The following TMEM63A variants were observed in gnomAD, a reference collection of about 807,000 sequenced individuals.
TMEM63A encodes the protein transmembrane protein 63A, also known as mechanosensitive cation channel TMEM63A.
Under a neutral mutation model 100.6 loss-of-function variants are expected in TMEM63A, and 76 were observed. The ratio of observed to expected loss-of-function variants is 0.76; its 90% confidence interval spans 0.63 to 0.91. The LOEUF is 0.91. TMEM63A is among the 40% of genes least tolerant of loss of function. The pLI, the probability that TMEM63A is intolerant of heterozygous loss-of-function variation, is 0.00. For missense variants in TMEM63A, 876 were observed against 1,008.8 expected (o/e 0.87, Z 1.78); for synonymous variants, 401 against 401.1 (o/e 1.00, Z 0.00).
At position 225,848,918 on chromosome 1, in the gene TMEM63A, G is replaced by A. The variant is rs1296172369; in HGVS notation, c.2166C>T (p.His722=). The change falls in exon 22 of 25, where the codon CAC becomes CAT. Residue 722 remains histidine (H), a synonymous_variant. Transcript: ENST00000366835. ...TTACTTTGTAGTTCAGAGGGCTGAG[G>A]TGCTTGAAGCATCCAAAGCAGGTGT... ...LAHTCFGCFK[H]LSPLNYKTEE... The A allele has an allele frequency of 1.3e-6, 2 of 1,596,110 alleles. No homozygotes were observed. Among genetic ancestry groups the A allele is most frequent in the Non-Finnish European group, 8.5e-7 (1 of 1,172,372 alleles).
At chr1:225,881,476 T>C (rs994346581) in intron 1 of TMEM63A, among the ~76,000 whole-genome samples, 2 of 152,220 alleles carry the variant, frequency 1.3e-5, no homozygotes, top group African/African-American at 4.8e-5. Flanking sequence ...ACGTCTTCTC[T>C]GTTAGAGCCC....
Position 225,867,887 on chromosome 1 carries a change from C to T in TMEM63A, c.514+1G>A, listed in dbSNP as rs772269210. 1.9e-5 allele frequency: 31 copies of T among 1,614,070 alleles called. 1 individual carries two copies. The South Asian group carries it at 2.9e-4, about 15-fold the overall frequency. The stretch of plus-strand genomic sequence containing the variant: ...TAGACAAGGGTGAGGAGGGTCATTA[C>T]CCAGCAAGTCCCCTGAGAGGTTGAC... On this transcript the variant is annotated splice_donor_variant, in intron 7 of 24. Coordinates refer to ENST00000366835, the MANE Select transcript of TMEM63A (RefSeq NM_014698.3). LOFTEE classifies it high-confidence loss of function. This position sits in a 1 kb window ranked among gnomAD's most constrained non-coding sequence, Gnocchi z 4.6.
chr1:225,849,989 A>G lies in TMEM63A; in HGVS notation c.1994T>C (p.Phe665Ser). ...TGCCAAGGCCTGGTTCACAGCGGCA[A>G]AGTGGATCCCCTTCTCCAGCTTGGC... ...LPAKLEKGIH[F>S]AAVNQALAAP... The change falls in exon 21 of 25, where the codon TTT becomes TCT. Residue 665 changes from phenylalanine (F) to serine (S), a missense_variant. Physicochemically the swap from Phe to Ser is radical, Grantham distance 155. Coordinates refer to ENST00000366835, the MANE Select transcript of TMEM63A (RefSeq NM_014698.3). 6.2e-7 allele frequency: 1 copy of G among 1,614,208 alleles called. No individual in the cohort carries two copies. The highest frequency in any genetic ancestry group is 1.3e-5 in the African/African-American group (1 of 75,046).
chr1:225,877,689 C>T lies in TMEM63A; in HGVS notation c.-14-95G>A. On this transcript the variant is annotated intron_variant, in intron 2 of 24. Transcript: ENST00000366835. Reference sequence around the variant, plus strand: ...TGGCAGAGCCAAAGGCAGGCGTTTCCCAGGGACTGATCGGGCAGTGAGCCA... The same window carrying T: ...TGGCAGAGCCAAAGGCAGGCGTTTCTCAGGGACTGATCGGGCAGTGAGCCA... 3 of 1,284,332 alleles carry T rather than the reference C, an allele frequency of 2.3e-6. No individual in the cohort carries two copies. In the Admixed American group the frequency reaches 7.5e-5, roughly 32 times the overall value. 79.6% of individuals were successfully genotyped at this position (1,284,332 alleles called of 1,614,324 possible).
In TMEM63A at chr1:225,878,750, G is replaced by C. The variant is rs1251211551; in HGVS notation, c.-15+470C>G. Among the ~76,000 whole-genome samples the C allele has an allele frequency of 9.2e-5, 14 of 152,262 alleles. No homozygotes were observed. In the East Asian group the frequency reaches 2.5e-3, roughly 27 times the overall value. On this transcript the variant is annotated intron_variant, in intron 2 of 24. Coordinates refer to ENST00000366835, the MANE Select transcript of TMEM63A (RefSeq NM_014698.3). ...ACAGGGACAAAGATCTTGAGAACAAGAAGAAAAGATATAGAGAACCCAAAC... is the reference window on the plus strand; with the variant it reads ...ACAGGGACAAAGATCTTGAGAACAACAAGAAAAGATATAGAGAACCCAAAC...
At chr1:225,851,408 T>A (rs2102819886) in intron 20 of TMEM63A, among the ~76,000 whole-genome samples, 1 of 152,326 alleles carries the variant, frequency 6.6e-6, no homozygotes, top group South Asian at 2.1e-4. Flanking sequence ...TCTCGCTCAT[T>A]GGTCAGGCTG....
At chr1:225,871,894 T>C in intron 5 of TMEM63A, 93 bp downstream of exon 5, 1 of 955,342 alleles carries the variant, frequency 1.0e-6, no homozygotes, top group Non-Finnish European at 1.6e-6. Context: ...CTCCAGCACT[T>C]GCCGCTCAAG....
chr1:225,845,365 GCCTGCCACCTCCCCCCA>G, downstream of TMEM63A: 1 of 1,453,208 alleles, frequency 6.9e-7, no homozygotes, highest in South Asian at 1.2e-5. Context: ...CTCTCCCCCC[GCCTGCCACCTCCCCCCA>G]CAAGTGCCCT....
intron 6 of TMEM63A, among the ~76,000 whole-genome samples, chr1:225,869,997 G>A (rs1033507307): frequency 2.0e-5 from 3 of 151,942 alleles, no homozygotes; most frequent in Non-Finnish European, 4.4e-5. Context: ...GTACGCTATC[G>A]TTATAGTTGA....
Position 225,865,967 on chromosome 1 carries a change from C to G in TMEM63A, c.676G>C (p.Val226Leu). 4 of 1,613,886 alleles carry G rather than the reference C, an allele frequency of 2.5e-6. No homozygotes were observed. The highest frequency in any genetic ancestry group is 3.4e-6 in the Non-Finnish European group (4 of 1,179,856). The part of the protein sequence containing the change: ...QSIKYKEENL[V>L]RRTLFITGLP... ...CCTGTGATGAACAGGGTCCGCCTCA[C>G]CTGTCCGGGAAATACAGCAGGGAGA... Residue 226 changes from valine to leucine, a missense_variant and splice_region_variant, in exon 10 of 25, where the codon GTG (valine) becomes CTG (leucine). By Grantham distance (32) the Val-to-Leu change is conservative. Coordinates refer to ENST00000366835, the MANE Select transcript of TMEM63A (RefSeq NM_014698.3). This position sits in a 1 kb window ranked among gnomAD's most constrained non-coding sequence, Gnocchi z 4.6.
At chr1:225,869,263 C>G (rs1002506986) in intron 6 of TMEM63A, among the ~76,000 whole-genome samples, 1 of 152,206 alleles carries the variant, frequency 6.6e-6, no homozygotes, top group South Asian at 2.1e-4. Context: ...TAGTCCTGTA[C>G]GTGGTATCAG....
At chr1:225,860,826 C>T in intron 14 of TMEM63A, 34 bp downstream of exon 14, 1 of 1,567,420 alleles carries the variant, frequency 6.4e-7, no homozygotes, top group Non-Finnish European at 8.7e-7. Flanking sequence ...GAACCCAGGC[C>T]TCTCTCCCAC....
rs1671134535 is a variant in TMEM63A at position 225,882,351 on chromosome 1, C to G, written c.-253G>C. 6.6e-6 allele frequency: 1 copy of G among 152,614 alleles called. No homozygotes were observed. Among genetic ancestry groups the G allele is most frequent in the Non-Finnish European group, 1.5e-5 (1 of 68,382 alleles). 9.5% of individuals were successfully genotyped at this position (152,614 alleles called of 1,614,324 possible). On this transcript the variant is annotated 5_prime_UTR_variant, in exon 1 of 25. Coordinates refer to ENST00000366835, the MANE Select transcript of TMEM63A (RefSeq NM_014698.3). Reference sequence around the variant, plus strand: ...GGGACCCAGCAGCGCGGGGCGTGTTCCGACCACTTAAAAGTTACAAAGTGA... The same window carrying G: ...GGGACCCAGCAGCGCGGGGCGTGTTGCGACCACTTAAAAGTTACAAAGTGA...
In TMEM63A at chr1:225,872,071, A is replaced by G. The variant is rs1262769153; in HGVS notation, c.267-18T>C. ...TGGACTCGCTAGAGACACAAAAAGAAAAAAAATGACAGATAATTCTTAGAA... is the reference window on the plus strand; with the variant it reads ...TGGACTCGCTAGAGACACAAAAAGAGAAAAAATGACAGATAATTCTTAGAA... On this transcript the variant is annotated intron_variant, in intron 4 of 24. Coordinates refer to ENST00000366835, the MANE Select transcript of TMEM63A (RefSeq NM_014698.3). 1 of 1,576,782 alleles carries G rather than the reference A, an allele frequency of 6.3e-7. No homozygotes were observed. The highest frequency in any genetic ancestry group is 1.4e-5 in the African/African-American group (1 of 73,178).
At chr1:225,868,978 T>C (rs961674780) in intron 6 of TMEM63A, among the ~76,000 whole-genome samples, 9 of 152,194 alleles carry the variant, frequency 5.9e-5, no homozygotes, top group Non-Finnish European at 1.0e-4. Context: ...GGCAGGGCAC[T>C]CTGCTCTTTC....
intron 15 of TMEM63A, 39 bp from the exon 16 acceptor site, chr1:225,857,056 C>T (rs41305138): frequency 3.2e-5 from 49 of 1,518,734 alleles, no homozygotes; most frequent in Admixed American, 7.3e-5. Flanking sequence ...TCACAGGGGC[C>T]GTGGGCCACG....
Position 225,848,224 on chromosome 1 carries a change from G to A in TMEM63A, c.2250+268C>T, listed in dbSNP as rs1669122089. ...CCCAAACTCACCAGGCATTAAATAT[G>A]CAGAGAAGGAAAGAGAGCAGGGAAC... is the stretch of plus-strand genomic sequence containing the variant. On this transcript the variant is annotated intron_variant, in intron 23 of 24. Transcript: ENST00000366835. The A allele has an allele frequency of 8.1e-6, 4 of 492,888 alleles. No homozygotes were observed. In the South Asian group the frequency reaches 1.2e-4, roughly 14 times the overall value. The allele number at this position is 492,888 out of a possible 1,614,324, so 30.5% of individuals were successfully genotyped here.
At chr1:225,857,490 A>ATGAGC (rs1669698553) in intron 15 of TMEM63A, among the ~76,000 whole-genome samples, 1 of 151,518 alleles carries the variant, frequency 6.6e-6, no homozygotes, top group African/African-American at 2.4e-5. Context: ...CTGGGATTAC[A>ATGAGC]TGAGCTGATT....
chr1:225,862,646 C>T lies in TMEM63A; in HGVS notation c.828-68G>A. On this transcript the variant is annotated intron_variant, in intron 11 of 24. Coordinates refer to ENST00000366835, the MANE Select transcript of TMEM63A (RefSeq NM_014698.3). The surrounding 1 kb of genome is among the most constrained non-coding windows in gnomAD (Gnocchi z 5.1). The stretch of plus-strand genomic sequence containing the variant: ...CCTGTGGCAGGGACCCCCATACCCA[C>T]AGTTCAACCATCGAACGCCAGGGGA... 6.2e-7 allele frequency: 1 copy of T among 1,601,976 alleles called. No homozygotes were observed. Among genetic ancestry groups the T allele is most frequent in the Non-Finnish European group, 8.5e-7 (1 of 1,172,372 alleles).
Sources: gnomAD v4.1 joint callset for allele counts (sites outside exome capture counted in the v4.1 genomes callset) on GRCh38, gnomAD v4.1.1 for gene constraint, Gnocchi (gnomAD v3.1) non-coding constraint, MANE v1.5 for transcripts, NCBI Gene and HGNC (gene_info 2026-07-23, HGNC 2026-07-21) for gene names.